PCDH15: variants seen among roughly 807,000 people sequenced by gnomAD.
The protein encoded by PCDH15 is protocadherin-15.
A neutral mutation model predicts 178.5 loss-of-function variants in PCDH15; 129 were observed. That is an observed-to-expected ratio of 0.72 (90% CI 0.63 to 0.84). PCDH15 has a LOEUF of 0.84. PCDH15 is among the 40% of genes least tolerant of loss of function. The pLI, the probability that PCDH15 is intolerant of heterozygous loss-of-function variation, is 0.00. For missense variants in PCDH15, 2,230 were observed against 2,099.9 expected (o/e 1.06, Z -1.21); for synonymous variants, 800 against 732.0 (o/e 1.09, Z -1.50).
At chr10:54,625,357 G>A (rs1329257674) in intron 2 of PCDH15, among the ~76,000 whole-genome samples, 1 of 152,190 alleles carries the variant, frequency 6.6e-6, no homozygotes, top group East Asian at 1.9e-4. Context: ...GAAAAGGGAA[G>A]TCTGGGACCC....
Position 54,089,198 on chromosome 10 carries a change from C to T in PCDH15, c.1997+786G>A, listed in dbSNP as rs147858509. Among the ~76,000 whole-genome samples, 411 of 152,238 alleles carry T rather than the reference C, an allele frequency of 2.7e-3. 2 individuals are homozygous for T. The highest frequency in any genetic ancestry group is 2.7e-3 in the Non-Finnish European group (184 of 68,004). ...GTTCTCTTGTTTTGGCATTATGCCC[C>T]ACATGTTCCTGAGTCTGATGTGGCA... is the stretch of plus-strand genomic sequence containing the variant. On this transcript the variant is annotated intron_variant, in intron 16 of 37. Coordinates refer to ENST00000644397, the MANE Select transcript of PCDH15 (RefSeq NM_001384140.1).
intron 8 of PCDH15, among the ~76,000 whole-genome samples, chr10:54,266,162 CAT>C (rs1440170016): frequency 2.0e-5 from 3 of 151,506 alleles, no homozygotes; most frequent in East Asian, 1.9e-4. Context: ...CACACACACA[CAT>C]ACACACACAC....
In PCDH15 at chr10:55,147,267, C is replaced by CA. The variant is rs538228415; in HGVS notation, c.-80+19308dup. On this transcript the variant is annotated intron_variant, in intron 2 of 5. Coordinates refer to the PCDH15 transcript ENST00000458638. ...ATAATCCCATGGCTTATAAAATTGACAAAAAAAAGAAAAGAAGTAAAATTA... is the reference window on the plus strand; with the variant it reads ...ATAATCCCATGGCTTATAAAATTGACAAAAAAAAAGAAAAGAAGTAAAATTA... Among the ~76,000 whole-genome samples the CA allele has an allele frequency of 1.0e-4, 15 of 148,788 alleles. No homozygotes were observed. The East Asian group carries it at 1.2e-3, about 12-fold the overall frequency.
chr10:54,219,589 T>C (rs1339929672), intron 9 of PCDH15, among the ~76,000 whole-genome samples: 1 of 88,936 alleles, frequency 1.1e-5, no homozygotes, highest in East Asian at 3.4e-4. Flanking sequence ...CAAGACTCCA[T>C]CTCAAAAAAA....
intron 2 of PCDH15, among the ~76,000 whole-genome samples, chr10:55,483,403 A>C (rs1246154160): frequency 1.3e-5 from 2 of 151,826 alleles, no homozygotes; most frequent in African/African-American, 4.8e-5. Context: ...AGAAACACAA[A>C]TGAAAGCCAC....
chr10:54,192,591 G>A (rs1346560761), intron 11 of PCDH15, among the ~76,000 whole-genome samples: 1 of 151,878 alleles, frequency 6.6e-6, no homozygotes, highest in Non-Finnish European at 1.5e-5. Context: ...ATACAGTACT[G>A]GAAGTTTAAA....
At chr10:55,562,830 T>C (rs1173069436) in intron 2 of PCDH15, among the ~76,000 whole-genome samples, 1 of 152,028 alleles carries the variant, frequency 6.6e-6, no homozygotes, top group Non-Finnish European at 1.5e-5. Flanking sequence ...TACAGAATTC[T>C]GGGAAGATGA....
At chr10:54,872,984 T>C (rs1954066766) in intron 3 of PCDH15, among the ~76,000 whole-genome samples, 1 of 151,826 alleles carries the variant, frequency 6.6e-6, no homozygotes, top group Non-Finnish European at 1.5e-5. Flanking sequence ...CTAAGACCCC[T>C]CTACAAATTG....
At position 54,029,793 on chromosome 10, in the gene PCDH15, A is replaced by G. The variant is rs7095354; in HGVS notation, c.2221-6596T>C. ...CTTTTTTTCTCATTATCTTCTTAGA[A>G]TGGTCTGTTACACAATTCTTTCCAT... On this transcript the variant is annotated intron_variant, in intron 18 of 37. Transcript: ENST00000644397. Among the ~76,000 whole-genome samples, 853 of 152,214 alleles carry G rather than the reference A, an allele frequency of 5.6e-3. 8 individuals are homozygous for G. Among genetic ancestry groups the G allele is most frequent in the African/African-American group, 0.019 (804 of 41,540 alleles).
At chr10:55,258,281 A>T (rs1842055976) in intron 1 of PCDH15, among the ~76,000 whole-genome samples, 1 of 152,150 alleles carries the variant, frequency 6.6e-6, no homozygotes, top group Admixed American at 6.6e-5. Context: ...TTTTTGAATG[A>T]CCCAGGCATG....
intron 2 of PCDH15, among the ~76,000 whole-genome samples, chr10:55,339,700 A>T (rs1021742601): frequency 2.0e-5 from 3 of 152,144 alleles, no homozygotes; most frequent in African/African-American, 4.8e-5. Flanking sequence ...ACTGATTGAC[A>T]GTCCAGACTA....
intron 8 of PCDH15, among the ~76,000 whole-genome samples, chr10:54,283,052 C>T (rs190896005): frequency 1.7e-4 from 26 of 152,142 alleles, no homozygotes; most frequent in Middle Eastern, 3.4e-3. Context: ...TTAGATATTA[C>T]GAGTTGAATG....
intron 1 of PCDH15, among the ~76,000 whole-genome samples, chr10:55,210,255 G>A (rs1043900824): frequency 4.6e-5 from 7 of 152,038 alleles, no homozygotes; most frequent in African/African-American, 1.4e-4. Flanking sequence ...ATGGGGCCAC[G>A]AATAACAGAA....
chr10:55,112,247 G>A (rs980377324), intron 2 of PCDH15, among the ~76,000 whole-genome samples: 2 of 152,004 alleles, frequency 1.3e-5, no homozygotes, highest in African/African-American at 4.8e-5. Flanking sequence ...CATAAGGGTG[G>A]AGCCCTCATA....
chr10:54,442,857 AT>A (rs1395297413), intron 3 of PCDH15, among the ~76,000 whole-genome samples: 1 of 151,510 alleles, frequency 6.6e-6, no homozygotes, highest in Non-Finnish European at 1.5e-5. Context: ...AGGAAACGCC[AT>A]TGTTTATTGT....
At chr10:55,380,665 C>T (rs951859916) in intron 2 of PCDH15, among the ~76,000 whole-genome samples, 1 of 152,144 alleles carries the variant, frequency 6.6e-6, no homozygotes, top group African/African-American at 2.4e-5. Context: ...CTCAATCCAC[C>T]TCTGCATTGG....
intron 8 of PCDH15, among the ~76,000 whole-genome samples, chr10:54,240,625 G>GC (rs1491487922): frequency 1.1e-5 from 1 of 92,464 alleles, no homozygotes; most frequent in African/African-American, 3.6e-5. Context: ...ATTTTCTTTT[G>GC]CTTTTTTTTT....
At chr10:54,673,654 T>C (rs774122830) in intron 1 of PCDH15, among the ~76,000 whole-genome samples, 1 of 152,134 alleles carries the variant, frequency 6.6e-6, no homozygotes, top group African/African-American at 2.4e-5. Context: ...GTCAGGCTGG[T>C]CTGGAACTCC....
At chr10:54,872,214 T>C (rs1816339738) in intron 3 of PCDH15, among the ~76,000 whole-genome samples, 3 of 151,986 alleles carry the variant, frequency 2.0e-5, no homozygotes, top group African/African-American at 7.2e-5. Context: ...ATTATAAATG[T>C]TTGCTTCATA....
Sources: gnomAD v4.1 joint callset for allele counts (sites outside exome capture counted in the v4.1 genomes callset) on GRCh38, gnomAD v4.1.1 for gene constraint, MANE v1.5 for transcripts, NCBI Gene and HGNC (gene_info 2026-07-23, HGNC 2026-07-21) for gene names.